STAC: variants seen among roughly 807,000 people sequenced by gnomAD.
The protein encoded by STAC is SH3 and cysteine rich domain, also known as SH3 and cysteine-rich domain-containing protein.
STAC carries 43 observed loss-of-function variants against 48.8 expected under a neutral mutation model. The observed-to-expected ratio is 0.88, with a 90% CI of 0.69 to 1.14. The LOEUF is 1.14. STAC is among the 50% of genes most tolerant of loss of function. STAC has a pLI of 0.00. For synonymous variants in STAC, 193 were observed against 179.5 expected (o/e 1.07, Z -0.60); for missense variants, 497 against 504.0 (o/e 0.99, Z 0.13).
chr3:36,492,356 G>A (rs916189173), intron 5 of STAC, among the ~76,000 whole-genome samples: 2 of 152,026 alleles, frequency 1.3e-5, no homozygotes, highest in African/African-American at 4.8e-5. Flanking sequence ...TTAAGAGCAC[G>A]AGCTCTGGAG....
chr3:36,482,564 C>T (rs540319226), intron 2 of STAC, among the ~76,000 whole-genome samples: 4 of 152,332 alleles, frequency 2.6e-5, no homozygotes, highest in Non-Finnish European at 5.9e-5. Flanking sequence ...CCCCCTTAAT[C>T]AGTCATTTTC....
At chr3:36,402,843 G>A (rs1700023125) in intron 1 of STAC, among the ~76,000 whole-genome samples, 1 of 152,076 alleles carries the variant, frequency 6.6e-6, no homozygotes, top group Admixed American at 6.5e-5. Flanking sequence ...TCCCACCTCA[G>A]ATGGATTCAG....
rs190785601 is a variant in STAC at position 36,544,248 on chromosome 3, C to T, written c.1111-1943C>T. 2.0e-5 allele frequency among the ~76,000 whole-genome samples: 3 copies of T among 152,290 alleles called. No individual in the cohort carries two copies. In the East Asian group the frequency reaches 5.8e-4, roughly 29 times the overall value. ...GCCCTGATGTGATCTCGGCTCACTG[C>T]AACCTCTGCCTCCAAGGTTCAAGCC... is the stretch of plus-strand genomic sequence containing the variant. On this transcript the variant is annotated intron_variant, in intron 10 of 10. Transcript: ENST00000273183.
chr3:36,394,869 T>C (rs1343748422), intron 1 of STAC, among the ~76,000 whole-genome samples: 1 of 147,174 alleles, frequency 6.8e-6, no homozygotes, highest in African/African-American at 2.5e-5. Flanking sequence ...GGCAACAGAG[T>C]AAAATTCTGT....
At chr3:36,496,357 A>C (rs571855781) in intron 6 of STAC, among the ~76,000 whole-genome samples, 2 of 152,310 alleles carry the variant, frequency 1.3e-5, no homozygotes, top group Admixed American at 6.5e-5. Context: ...ATGTGGTCCA[A>C]GTTCCCACAG....
rs1168798121 is a variant in STAC, at chr3:36,398,456, GA to G, written c.111+17704del. Among the ~76,000 whole-genome samples the G allele has an allele frequency of 3.2e-5, 4 of 125,844 alleles. No individual in the cohort carries two copies. The East Asian group carries it at 8.8e-4, about 28-fold the overall frequency. The allele number at this position is 125,844 out of a possible 152,430, so 82.6% of individuals were successfully genotyped here. On this transcript the variant is annotated intron_variant, in intron 1 of 10. Coordinates refer to ENST00000273183, the MANE Select transcript of STAC (RefSeq NM_003149.3). ...GGAAGGAAGGAAGGAAGGAAGGAAG[GA>G]AGGAAGGAAGGAAGGAAGGAGGGAA...
At chr3:36,433,706 T>C (rs1700760584) in intron 1 of STAC, among the ~76,000 whole-genome samples, 1 of 152,198 alleles carries the variant, frequency 6.6e-6, no homozygotes, top group Non-Finnish European at 1.5e-5. Flanking sequence ...TTCTCAGAGC[T>C]GGAAGGGAAC....
At chr3:36,511,482 C>T (rs2125717556) in intron 8 of STAC, among the ~76,000 whole-genome samples, 1 of 152,282 alleles carries the variant, frequency 6.6e-6, no homozygotes, top group Non-Finnish European at 1.5e-5. Flanking sequence ...GTTTTCCCAT[C>T]CTAGAGCAGG....
intron 7 of STAC, among the ~76,000 whole-genome samples, chr3:36,505,246 T>A (rs1345872917): frequency 6.6e-6 from 1 of 152,144 alleles, no homozygotes; most frequent in Non-Finnish European, 1.5e-5. Context: ...TAAATCAGTC[T>A]CATGCCAAAA....
intron 5 of STAC, among the ~76,000 whole-genome samples, chr3:36,487,911 T>C (rs545024768): frequency 2.0e-5 from 3 of 152,322 alleles, no homozygotes; most frequent in Admixed American, 2.0e-4. Context: ...CTAATTCTTT[T>C]ACTGAAAGAA....
chr3:36,413,792 T>C (rs1423630995), intron 1 of STAC, among the ~76,000 whole-genome samples: 1 of 152,228 alleles, frequency 6.6e-6, no homozygotes, highest in Non-Finnish European at 1.5e-5. Context: ...CAATTTGGCA[T>C]GCTTTTGCAG....
chr3:36,531,340 G>C (rs112559757), intron 10 of STAC, among the ~76,000 whole-genome samples: 1 of 152,252 alleles, frequency 6.6e-6, no homozygotes, highest in African/African-American at 2.4e-5. Context: ...CACAAACAAC[G>C]GAAGTGATTA....
intron 1 of STAC, among the ~76,000 whole-genome samples, chr3:36,410,980 A>G (rs1700182087): frequency 2.0e-5 from 3 of 152,200 alleles, no homozygotes; most frequent in African/African-American, 7.2e-5. Flanking sequence ...GTTAACCCAT[A>G]AAAAGCAACT....
chr3:36,399,108 C>G (rs1699948600), intron 1 of STAC, among the ~76,000 whole-genome samples: 1 of 152,078 alleles, frequency 6.6e-6, no homozygotes, highest in Non-Finnish European at 1.5e-5. Context: ...GTCAGCTAGT[C>G]TTTGGCTCTA....
chr3:36,443,212 T>A lies in STAC; in HGVS notation c.112-152T>A. ...ATTCCCTCTTTACTAGGCACTGCCA[T>A]CACCCCACCCACACAGGGACATTTA... On this transcript the variant is annotated intron_variant, in intron 1 of 10. Coordinates refer to ENST00000273183, the MANE Select transcript of STAC (RefSeq NM_003149.3). This position sits in a 1 kb window ranked among gnomAD's most constrained non-coding sequence, Gnocchi z 4.2. 2 of 884,250 alleles carry A rather than the reference T, an allele frequency of 2.3e-6. No homozygotes were observed. Among genetic ancestry groups the A allele is most frequent in the South Asian group, 3.5e-5 (2 of 57,450 alleles). The allele number at this position is 884,250 out of a possible 1,614,324, so 54.8% of individuals were successfully genotyped here.
At chr3:36,470,453 G>A (rs11928382) in intron 2 of STAC, among the ~76,000 whole-genome samples, 32,359 of 152,196 alleles carry the variant, frequency 0.21, 3,655 homozygotes, top group East Asian at 0.32. Context: ...TTCCAGCACC[G>A]GCTCCAGTGG....
chr3:36,508,219 G>A (rs1698451818), intron 8 of STAC, among the ~76,000 whole-genome samples: 1 of 152,184 alleles, frequency 6.6e-6, no homozygotes, highest in South Asian at 2.1e-4. Flanking sequence ...TTTCCATGTA[G>A]TTGTGTGGTT....
chr3:36,380,875 G>C, intron 1 of STAC, 121 bp downstream of exon 1: 2 of 568,536 alleles, frequency 3.5e-6, no homozygotes, highest in East Asian at 8.0e-5. Flanking sequence ...GTTAGCCCAG[G>C]GCTGTAGGAC....
At chr3:36,399,360 A>G (rs1474290277) in intron 1 of STAC, among the ~76,000 whole-genome samples, 1 of 152,230 alleles carries the variant, frequency 6.6e-6, no homozygotes, top group Admixed American at 6.5e-5. Context: ...ATTTTATTAC[A>G]ATTTTTGCTT....
Sources: gnomAD v4.1 joint callset for allele counts (sites outside exome capture counted in the v4.1 genomes callset) on GRCh38, gnomAD v4.1.1 for gene constraint, Gnocchi (gnomAD v3.1) non-coding constraint, MANE v1.5 for transcripts, NCBI Gene and HGNC (gene_info 2026-07-23, HGNC 2026-07-21) for gene names.